Variants in NCL observed in about 807,000 individuals in gnomAD.
The protein encoded by NCL is nucleolin multifunctional protein.
In NCL, 4 loss-of-function variants were observed where a neutral mutation model predicts 77.7. The observed-to-expected ratio is 0.05, with a 90% CI of 0.03 to 0.12. The LOEUF (loss-of-function observed/expected upper bound fraction) is 0.12, where lower values mean the gene tolerates loss of function less well. NCL is among the 10% of genes least tolerant of loss of function. NCL has a pLI of 1.00. For synonymous variants in NCL, 344 were observed against 297.8 expected (o/e 1.16, Z -1.60); for missense variants, 763 against 860.9 (o/e 0.89, Z 1.42).
chr2:231,456,619 A>G lies in NCL; in HGVS notation c.1705+12T>C. On this transcript the variant is annotated intron_variant, in intron 11 of 13. Coordinates refer to ENST00000322723, the MANE Select transcript of NCL (RefSeq NM_005381.3). ...TACCCCCAACCACAGCACCCTAACC[A>G]GGTGAACTTACGGCTTCTGGCATTA... The G allele has an allele frequency of 6.2e-7, 1 of 1,614,096 alleles. No individual in the cohort carries two copies. The highest frequency in any genetic ancestry group is 1.1e-5 in the South Asian group (1 of 91,056).
In NCL at chr2:231,455,347, C is replaced by A; in HGVS notation, c.2056+54G>T. Reference sequence around the variant, plus strand: ...CCAGTGATTAGGAACCGTGACAGGGCACAGGGTCTGAAGAGCACATGCTAT... The same window carrying A: ...CCAGTGATTAGGAACCGTGACAGGGAACAGGGTCTGAAGAGCACATGCTAT... On this transcript the variant is annotated intron_variant, in intron 13 of 13. Transcript: ENST00000322723. The A allele has an allele frequency of 5.0e-6, 8 of 1,613,448 alleles. No homozygotes were observed. The South Asian group carries it at 5.5e-5, about 11-fold the overall frequency.
intron 2 of NCL, 123 bp downstream of exon 2, chr2:231,463,073 ACACT>A (rs1316088427): frequency 2.9e-5 from 20 of 699,304 alleles, no homozygotes; most frequent in South Asian, 9.2e-5. Context: ...AGCTTGTGAA[ACACT>A]CAACCACTAC....
intron 10 of NCL, 93 bp downstream of exon 10, chr2:231,456,908 T>C (rs1299707413): frequency 2.6e-6 from 4 of 1,561,718 alleles, no homozygotes; most frequent in Middle Eastern, 1.7e-4. Context: ...TAAAATTATT[T>C]GGCTTTTCTG....
intron 3 of NCL, 56 bp downstream of exon 3, chr2:231,461,484 G>GC: frequency 6.3e-7 from 1 of 1,577,430 alleles, no homozygotes; most frequent in Admixed American, 1.7e-5. Context: ...GTTGATCCCA[G>GC]AATCTCAAGA....
chr2:231,460,145 CA>C lies in NCL; in HGVS notation c.1040+6del, dbSNP rs1449620798. The stretch of plus-strand genomic sequence containing the variant: ...CACGTGTATGTAACGTGCAGTGAAG[CA>C]CTTACCTAGTCATACCAATTCTGAC... On this transcript the variant is annotated splice_donor_region_variant and intron_variant, in intron 6 of 13. Transcript: ENST00000322723. The C allele has an allele frequency of 1.9e-6, 3 of 1,610,092 alleles. No homozygotes were observed. Among genetic ancestry groups the C allele is most frequent in the Non-Finnish European group, 2.5e-6 (3 of 1,178,872 alleles).
rs768577394 is a variant in NCL, at chr2:231,460,310, C to G, written c.899-17G>C. On this transcript the variant is annotated splice_polypyrimidine_tract_variant and intron_variant, in intron 5 of 13. Transcript: ENST00000322723. ...GTTCTGTGCCTGCACAAAAAAAGCTCAACTCAGTCTACTTGTAGTGTGGTA... is the reference window on the plus strand; with the variant it reads ...GTTCTGTGCCTGCACAAAAAAAGCTGAACTCAGTCTACTTGTAGTGTGGTA... The G allele has an allele frequency of 6.2e-6, 10 of 1,613,866 alleles. No individual in the cohort carries two copies. Among genetic ancestry groups the G allele is most frequent in the Non-Finnish European group, 8.5e-6 (10 of 1,179,886 alleles).
chr2:231,457,944 C>T (rs2046907166), intron 8 of NCL, 144 bp from the exon 9 acceptor site: 2 of 815,530 alleles, frequency 2.5e-6, no homozygotes, highest in African/African-American at 3.5e-5. Context: ...ACTCGAGCTT[C>T]CCTCTTACTT....
chr2:231,461,690 C>G lies in NCL; in HGVS notation c.463G>C (p.Glu155Gln), dbSNP rs1266984110. ...TCGTCCTCGTCATCCTCCTCATCCTCCTCACTGTCATCATCCTCCTCTTCA... is the reference window on the plus strand; with the variant it reads ...TCGTCCTCGTCATCCTCCTCATCCTGCTCACTGTCATCATCCTCCTCTTCA... ...SDEEEDDDSE[E>Q]DEEDDEDEDE... is the part of the protein sequence containing the mutation. The change falls in exon 3 of 14, where the codon GAG becomes CAG. Residue 155 changes from glutamate (E) to glutamine (Q), a missense_variant. Around this residue, in one of 2 missense-constraint regions of NCL, gnomAD observed 590 missense variants for 570.5 expected, o/e 1.03. Transcript: ENST00000322723. The G allele has an allele frequency of 6.2e-7, 1 of 1,613,646 alleles. No homozygotes were observed. The highest frequency in any genetic ancestry group is 8.5e-7 in the Non-Finnish European group (1 of 1,179,522).
Position 231,463,216 on chromosome 2 carries a change from T to C in NCL, c.119A>G (p.Asp40Gly). 1 of 1,607,698 alleles carries C rather than the reference T, an allele frequency of 6.2e-7. No individual in the cohort carries two copies. Among genetic ancestry groups the C allele is most frequent in the Non-Finnish European group, 8.5e-7 (1 of 1,176,602 alleles). ...TAAAATTACCTCTTCTCCACTGCTA[T>C]CATCTTCTTCATCTTCTGACATTTC... Reference protein sequence around the residue: ...DEEMSEDEEDDSSGEEVVIPQ... With the variant: ...DEEMSEDEEDGSSGEEVVIPQ... Residue 40 changes from aspartate (D) to glycine (G), a missense_variant, in exon 2 of 14, where the codon GAT (aspartate) becomes GGT (glycine). By Grantham distance (94) the Asp-to-Gly change is moderately conservative (BLOSUM62 -1). Around this residue, in one of 2 missense-constraint regions of NCL, gnomAD observed 590 missense variants for 570.5 expected, o/e 1.03. Transcript: ENST00000322723.
Position 231,460,194 on chromosome 2 carries a change from T to C in NCL, c.998A>G (p.Lys333Arg). Residue 333 changes from lysine to arginine, a missense_variant, in exon 6 of 14, where the codon AAA becomes AGA. Physicochemically the swap from Lys to Arg is conservative, Grantham distance 26 (BLOSUM62 2). This residue lies in a region of NCL where 590 missense variants were observed against 570.5 expected (regional missense o/e 1.03). Transcript: ENST00000322723. Reference sequence around the variant, plus strand: ...GACATCCACAACAGCAAGATCATTTTTAGCAAAAACATCGCTGATACCAGT... The same window carrying C: ...GACATCCACAACAGCAAGATCATTTCTAGCAAAAACATCGCTGATACCAGT... ...LKTGISDVFA[K>R]NDLAVVDVRI... 4.3e-6 allele frequency: 7 copies of C among 1,614,050 alleles called. No individual in the cohort carries two copies. The highest frequency in any genetic ancestry group is 5.1e-6 in the Non-Finnish European group (6 of 1,180,014).
chr2:231,459,178 A>G, intron 6 of NCL, 53 bp from the exon 7 acceptor site: 1 of 1,488,388 alleles, frequency 6.7e-7, no homozygotes, highest in Non-Finnish European at 8.9e-7. Flanking sequence ...ACAAATCAAA[A>G]TCCACAATAT....
chr2:231,455,753 G>C (rs752984476), intron 12 of NCL, 129 bp from the exon 13 acceptor site: 7 of 1,232,044 alleles, frequency 5.7e-6, no homozygotes, highest in Non-Finnish European at 6.0e-6. Flanking sequence ...ACCAGTGACA[G>C]AGTAGCTCTC....
At chr2:231,455,762 T>G in intron 12 of NCL, 138 bp from the exon 13 acceptor site, 4 of 1,205,792 alleles carry the variant, frequency 3.3e-6, no homozygotes, top group Non-Finnish European at 4.9e-6. Flanking sequence ...AGAGTAGCTC[T>G]CTATGGAAAA....
chr2:231,455,758 G>T, intron 12 of NCL, 134 bp from the exon 13 acceptor site: 1 of 1,205,410 alleles, frequency 8.3e-7, no homozygotes, highest in Non-Finnish European at 1.2e-6. Context: ...TGACAGAGTA[G>T]CTCTCTATGG....
rs1255486948 is a variant in NCL, at chr2:231,458,152, G to C, written c.1289+114C>G. On this transcript the variant is annotated intron_variant, in intron 8 of 13. Transcript: ENST00000322723. ...TGGGTTACTGAGGCACAAACTTACA[G>C]GTTAAACTGTCCAAGATTACACGCC... 2.8e-6 allele frequency: 4 copies of C among 1,405,040 alleles called. No individual in the cohort carries two copies. The Admixed American group carries it at 6.8e-5, about 24-fold the overall frequency. The allele number at this position is 1,405,040 out of a possible 1,614,324, so 87.0% of individuals were successfully genotyped here.
rs1335693552 is a variant in NCL, at chr2:231,454,206, ATAG to A, written c.*982_*984del. ...CTCGCTTTGTTACCCAGCCTGGAGT[ATAG>A]TAGTGTGTGCTCAGCTCACTCTGCT... On this transcript the variant is annotated 3_prime_UTR_variant, in exon 14 of 14. Coordinates refer to ENST00000322723, the MANE Select transcript of NCL (RefSeq NM_005381.3). The A allele has an allele frequency of 6.6e-6, 1 of 152,452 alleles. No homozygotes were observed. Among genetic ancestry groups the A allele is most frequent in the African/African-American group, 2.4e-5 (1 of 41,546 alleles). 9.4% of individuals were successfully genotyped at this position (152,452 alleles called of 1,614,324 possible).
chr2:231,464,193 C>T, intron 1 of NCL, 143 bp downstream of exon 1: 1 of 1,467,778 alleles, frequency 6.8e-7, no homozygotes, highest in Non-Finnish European at 9.1e-7. Flanking sequence ...CGCGAGACCT[C>T]CCCACTAATC....
rs1400447056 is a variant in NCL at position 231,457,770 on chromosome 2, A to T, written c.1320T>A (p.Ala440=). 1.2e-6 allele frequency: 2 copies of T among 1,611,698 alleles called. No homozygotes were observed. Among genetic ancestry groups the T allele is most frequent in the African/African-American group, 2.7e-5 (2 of 74,974 alleles). Residue 440 remains alanine (A), a synonymous_variant, in exon 9 of 14, where the codon GCT becomes GCA. Coordinates refer to ENST00000322723, the MANE Select transcript of NCL (RefSeq NM_005381.3). Reference sequence around the variant, plus strand: ...TTTCTTCAAAGGTTTTCTCTGCATCAGCTTCTGTCTTAAATTCAATATAAG... The same window carrying T: ...TTTCTTCAAAGGTTTTCTCTGCATCTGCTTCTGTCTTAAATTCAATATAAG... ...GIAYIEFKTE[A]DAEKTFEEKQ...
At chr2:231,456,538 A>G in intron 11 of NCL, 93 bp downstream of exon 11, 2 of 1,553,400 alleles carry the variant, frequency 1.3e-6, no homozygotes, top group Non-Finnish European at 1.8e-6. Context: ...TTGTTCACTC[A>G]GTAGCAACAG....
Sources: gnomAD v4.1 joint callset for allele counts on GRCh38, gnomAD v4.1.1 for gene constraint, gnomAD v4.1.1 regional missense constraint, MANE v1.5 for transcripts, NCBI Gene and HGNC (gene_info 2026-07-23, HGNC 2026-07-21) for gene names.